SLC20A2: variants seen among roughly 807,000 people sequenced by gnomAD.
SLC20A2 encodes the protein solute carrier family 20 member 2, also known as sodium-dependent phosphate transporter 2.
In SLC20A2, 30 loss-of-function variants were observed where a neutral mutation model predicts 61.0. That is an observed-to-expected ratio of 0.49 (90% CI 0.37 to 0.67). SLC20A2 has a LOEUF of 0.67. Among genes scored for constraint, SLC20A2 ranks in the 30% least tolerant of loss-of-function variants. SLC20A2 has a pLI of 0.00. For synonymous variants in SLC20A2, 351 were observed against 353.3 expected, an observed-to-expected ratio of 0.99 and a Z score of 0.07; for missense variants, 626 against 866.4, an observed-to-expected ratio of 0.72 and a Z score of 3.48.
intron 1 of SLC20A2, among the ~76,000 whole-genome samples, chr8:42,495,454 T>C (rs1179423654): frequency 2.6e-5 from 4 of 152,190 alleles, no homozygotes; most frequent in Non-Finnish European, 4.4e-5. Flanking sequence ...GGGAGACACG[T>C]CGATCTTATC....
At chr8:42,532,448 G>A (rs1324615073) in intron 1 of SLC20A2, among the ~76,000 whole-genome samples, 2 of 152,182 alleles carry the variant, frequency 1.3e-5, no homozygotes, top group Non-Finnish European at 2.9e-5. Context: ...TGAAATGGCA[G>A]CGTATGACTG....
At chr8:42,519,286 A>G (rs954504589) in intron 1 of SLC20A2, among the ~76,000 whole-genome samples, 2 of 152,314 alleles carry the variant, frequency 1.3e-5, no homozygotes, top group Non-Finnish European at 1.5e-5. Flanking sequence ...TCTACTAAAA[A>G]TACAAAAATT....
At chr8:42,534,060 A>T (rs2131446703) in intron 1 of SLC20A2, among the ~76,000 whole-genome samples, 1 of 152,142 alleles carries the variant, frequency 6.6e-6, no homozygotes, top group African/African-American at 2.4e-5. Flanking sequence ...TCATGCCTGT[A>T]ATCCCAACAC....
At chr8:42,520,221 C>T (rs1363977200) in intron 1 of SLC20A2, among the ~76,000 whole-genome samples, 1 of 150,498 alleles carries the variant, frequency 6.6e-6, no homozygotes, top group African/African-American at 2.4e-5. Flanking sequence ...ACCATGTTGG[C>T]CAGGCTGGTC....
chr8:42,439,620 A>G lies in SLC20A2; in HGVS notation c.764T>C (p.Val255Ala). The G allele has an allele frequency of 6.2e-7, 1 of 1,614,204 alleles. No homozygotes were observed. Among genetic ancestry groups the G allele is most frequent in the Non-Finnish European group, 8.5e-7 (1 of 1,180,034 alleles). Residue 255 changes from valine (V) to alanine (A), a missense_variant, in exon 7 of 11, where the codon GTA becomes GCA. By Grantham distance (64) the Val-to-Ala change is moderately conservative. This residue lies in a region of SLC20A2 where 361 missense variants were observed against 422.3 expected (regional missense o/e 0.85). Transcript: ENST00000520262. Reference sequence around the variant, plus strand: ...AACCTTACTGAGGCTTTCGTCAGATACTCGTGATAAAGCACCTTCTTTTTG... The same window carrying G: ...AACCTTACTGAGGCTTTCGTCAGATGCTCGTGATAAAGCACCTTCTTTTTG... The part of the protein sequence containing the change: ...KLQKEGALSR[V>A]SDESLSKVQE...
upstream of SLC20A2, chr8:42,501,516 A>G (rs970126638): frequency 6.6e-6 from 1 of 152,270 alleles, no homozygotes; most frequent in East Asian, 1.9e-4. Flanking sequence ...GCTCTTCACA[A>G]GCAAAAGCAA....
chr8:42,454,015 TG>T (rs1371814479), intron 5 of SLC20A2, among the ~76,000 whole-genome samples: 1 of 152,120 alleles, frequency 6.6e-6, no homozygotes, highest in African/African-American at 2.4e-5. Flanking sequence ...TTTTTTTGTT[TG>T]TTTTTGAGAC....
rs1718056647 is a variant in SLC20A2, at chr8:42,472,940, A to G, written c.-264-286T>C. 1.3e-5 allele frequency among the ~76,000 whole-genome samples: 2 copies of G among 152,230 alleles called. No homozygotes were observed. The highest frequency in any genetic ancestry group is 6.5e-5 in the Admixed American group (1 of 15,282). ...ATTTTTCATGCAATCGGAAAAACATATTTGGTCATTATTTTCAGAGAGGAA... is the reference window on the plus strand; with the variant it reads ...ATTTTTCATGCAATCGGAAAAACATGTTTGGTCATTATTTTCAGAGAGGAA... On this transcript the variant is annotated intron_variant, in intron 1 of 10. Coordinates refer to ENST00000520262, the MANE Select transcript of SLC20A2 (RefSeq NM_001257180.2). The surrounding 1 kb of genome is among the most constrained non-coding windows in gnomAD (Gnocchi z 4.1).
intron 1 of SLC20A2, among the ~76,000 whole-genome samples, chr8:42,540,439 A>C (rs1813028121): frequency 6.6e-6 from 1 of 152,140 alleles, no homozygotes; most frequent in African/African-American, 2.4e-5. Context: ...ACTCAACATC[A>C]CCTGTTATTT....
At position 42,472,335 on chromosome 8, in the gene SLC20A2, A is replaced by G. The variant is rs1034887212; in HGVS notation, c.56T>C (p.Ile19Thr). ...GTTTGCACCAACAGAAAAGGCCAAG[A>G]TGAAAGCTATGATGAAACCCAAAAT... ...MVILGFIIAF[I>T]LAFSVGANDV... Residue 19 changes from isoleucine (I) to threonine (T), a missense_variant, in exon 2 of 11, where the codon ATC becomes ACC. By Grantham distance (89) the Ile-to-Thr change is moderately conservative. Around this residue, in one of 3 missense-constraint regions of SLC20A2, gnomAD observed 127 missense variants for 215.4 expected, o/e 0.59. Transcript: ENST00000520262. The surrounding 1 kb of genome is among the most constrained non-coding windows in gnomAD (Gnocchi z 4.1). 2.3e-5 allele frequency: 37 copies of G among 1,614,138 alleles called. No homozygotes were observed. The highest frequency in any genetic ancestry group is 3.0e-5 in the Non-Finnish European group (35 of 1,180,048).
At position 42,476,084 on chromosome 8, in the gene SLC20A2, C is replaced by CTTTTTTTTTT. The variant is rs11350697; in HGVS notation, c.-264-3440_-264-3431dup. Among the ~76,000 whole-genome samples, 3 of 42,056 alleles carry CTTTTTTTTTT rather than the reference C, an allele frequency of 7.1e-5. 1 individual carries two copies. Among genetic ancestry groups the CTTTTTTTTTT allele is most frequent in the African/African-American group, 1.6e-4 (2 of 12,710 alleles). 27.6% of individuals were successfully genotyped at this position (42,056 alleles called of 152,430 possible). A position where few individuals can be genotyped will look rare whatever the true frequency, so the allele number is the denominator to read the frequency against. On this transcript the variant is annotated intron_variant, in intron 1 of 10. Transcript: ENST00000520262. ...GGTGAAGTAGCCGGGTTTACTGTGT[C>CTTTTTTTTTT]TTTTTTTTTTTTTTTTTTTTTTTTT...
At chr8:42,436,945 G>C (rs768674036) in intron 8 of SLC20A2, 44 bp downstream of exon 8, 1 of 1,528,420 alleles carries the variant, frequency 6.5e-7, no homozygotes, top group Admixed American at 1.9e-5. Flanking sequence ...GCCCCTGGCG[G>C]AGCCTCAAGG....
rs267601930 is a variant in SLC20A2, at chr8:42,430,243, G to A, written c.1530C>T (p.Ala510=). Residue 510 remains alanine (A), a synonymous_variant, in exon 9 of 11, where the codon GCC becomes GCT. Transcript: ENST00000520262. The part of the protein sequence containing the change: ...FAHGGNDVSN[A]IGPLVALWLI... ...GCCACAAGGCTACCAGGGGACCGAT[G>A]GCATTACTGGGAAAAATAAAAAGAG... 3.3e-4 allele frequency: 533 copies of A among 1,608,698 alleles called. No individual in the cohort carries two copies. The highest frequency in any genetic ancestry group is 4.4e-4 in the Non-Finnish European group (514 of 1,178,226).
chr8:42,504,933 T>A (rs1482359996), upstream of SLC20A2, among the ~76,000 whole-genome samples: 1 of 131,536 alleles, frequency 7.6e-6, no homozygotes, highest in African/African-American at 2.9e-5. Context: ...GATACAGAGA[T>A]GAAAGACAAG....
rs920676148 is a variant in SLC20A2 at position 42,520,493 on chromosome 8, G to A, written c.-265+21328C>T. On this transcript the variant is annotated intron_variant, in intron 1 of 10. Transcript: ENST00000342228. ...TGTAATCCCAGCACTTTGGGAGGCC[G>A]AGGTGGGCGGATCATGGGGTCAGGA... 2.6e-4 allele frequency among the ~76,000 whole-genome samples: 16 copies of A among 62,046 alleles called. 3 individuals are homozygous for A. The highest frequency in any genetic ancestry group is 4.6e-4 in the African/African-American group (14 of 30,154). 40.7% of individuals were successfully genotyped at this position (62,046 alleles called of 152,430 possible). A position where few individuals can be genotyped will look rare whatever the true frequency, so the allele number is the denominator to read the frequency against.
chr8:42,485,234 G>A (rs149906301), intron 1 of SLC20A2, among the ~76,000 whole-genome samples: 3 of 152,010 alleles, frequency 2.0e-5, no homozygotes, highest in Admixed American at 6.6e-5. Context: ...GATTTCCCTG[G>A]GTACACTCAC....
intron 1 of SLC20A2, among the ~76,000 whole-genome samples, chr8:42,523,478 T>A (rs1191919114): frequency 6.6e-6 from 1 of 152,248 alleles, no homozygotes; most frequent in African/African-American, 2.4e-5. Flanking sequence ...ATAAAGTTTT[T>A]GAGACAGGGC....
chr8:42,492,722 T>C (rs1472291943), intron 1 of SLC20A2, among the ~76,000 whole-genome samples: 1 of 151,716 alleles, frequency 6.6e-6, no homozygotes, highest in Non-Finnish European at 1.5e-5. Flanking sequence ...GGAGTTTCGC[T>C]CTGTCACCCA....
chr8:42,460,982 A>G (rs1336191078), intron 4 of SLC20A2, among the ~76,000 whole-genome samples: 2 of 152,378 alleles, frequency 1.3e-5, no homozygotes, highest in East Asian at 3.9e-4. Context: ...AAAGACTGCT[A>G]CTGCCAAATG....
Sources: allele counts gnomAD v4.1 joint callset (sites outside exome capture counted in the v4.1 genomes callset), GRCh38; gene constraint gnomAD v4.1.1; regional missense constraint gnomAD v4.1.1; non-coding constraint Gnocchi (gnomAD v3.1); transcripts MANE v1.5; gene names NCBI Gene and HGNC (gene_info 2026-07-23, HGNC 2026-07-21).